Variants in CPLX2 observed in about 807,000 individuals in gnomAD.
The protein encoded by CPLX2 is complexin-2.
In CPLX2, 5 loss-of-function variants were observed where a neutral mutation model predicts 16.3. That is an observed-to-expected ratio of 0.31 (90% CI 0.16 to 0.64). The LOEUF is 0.64. Ranked by LOEUF, CPLX2 falls within the 30% of genes least tolerant of loss-of-function variation. The pLI is 0.79. For missense variants in CPLX2, 144 were observed against 181.4 expected (o/e 0.79, Z 1.18); for synonymous variants, 89 against 73.2 (o/e 1.22, Z -1.10).
intron 1 of CPLX2, chr5:175,878,090 A>C (rs1272848445): frequency 6.6e-6 from 1 of 152,348 alleles, no homozygotes; most frequent in African/African-American, 2.4e-5. Context: ...AAAAGTCAGG[A>C]TCTGTTTATC....
upstream of CPLX2, among the ~76,000 whole-genome samples, chr5:175,870,774 A>G (rs1270723983): frequency 1.3e-5 from 2 of 152,192 alleles, no homozygotes; most frequent in East Asian, 1.9e-4. Context: ...AGGAGTCCTT[A>G]TTCTTCACAG....
At chr5:175,839,516 C>T (rs996090251) in intron 2 of CPLX2, among the ~76,000 whole-genome samples, 1 of 152,186 alleles carries the variant, frequency 6.6e-6, no homozygotes, top group African/African-American at 2.4e-5. Context: ...AACTCCTGAC[C>T]TCAGGTGATC....
chr5:175,861,386 G>C (rs1262647467), intron 2 of CPLX2, among the ~76,000 whole-genome samples: 1 of 152,186 alleles, frequency 6.6e-6, no homozygotes, highest in Non-Finnish European at 1.5e-5. Context: ...TGTGGGAGAA[G>C]AGTTGAGGTA....
intron 2 of CPLX2, among the ~76,000 whole-genome samples, chr5:175,842,989 A>G (rs760658815): frequency 6.6e-6 from 1 of 152,198 alleles, no homozygotes; most frequent in Non-Finnish European, 1.5e-5. Context: ...ATCCTTGGGA[A>G]TCAGCAGCCA....
chr5:175,869,812 T>C (rs1033689643), upstream of CPLX2, among the ~76,000 whole-genome samples: 1 of 152,148 alleles, frequency 6.6e-6, no homozygotes, highest in Non-Finnish European at 1.5e-5. Flanking sequence ...AAGTGTGGTG[T>C]CCATAACTGA....
intron 2 of CPLX2, among the ~76,000 whole-genome samples, chr5:175,820,859 T>C (rs10476170): frequency 0.65 from 99,436 of 152,046 alleles, 33,521 homozygotes; most frequent in East Asian, 0.75. Flanking sequence ...AGGATGCCTT[T>C]GGATGGTGCT....
chr5:175,822,346 GATGT>G (rs1758527073), intron 2 of CPLX2, among the ~76,000 whole-genome samples: 1 of 152,126 alleles, frequency 6.6e-6, no homozygotes, highest in South Asian at 2.1e-4. Context: ...CGTGGACTTT[GATGT>G]CTAACAGACC....
At chr5:175,796,763 G>A (rs921543811) in exon 1 of CPLX2, 3 of 152,314 alleles carry the variant, frequency 2.0e-5, no homozygotes, top group Non-Finnish European at 4.4e-5. Flanking sequence ...GTCGGCCGCG[G>A]AGGAGCTGCA....
chr5:175,828,355 A>T (rs1256576969), intron 2 of CPLX2, among the ~76,000 whole-genome samples: 1 of 152,204 alleles, frequency 6.6e-6, no homozygotes, highest in East Asian at 1.9e-4. Context: ...ACTCGGGGGC[A>T]TGTGCTCTCT....
intron 2 of CPLX2, among the ~76,000 whole-genome samples, chr5:175,851,114 G>A (rs144845583): frequency 8.5e-5 from 13 of 152,164 alleles, no homozygotes; most frequent in East Asian, 3.9e-4. Flanking sequence ...GGCATCTTGC[G>A]TGTGAGGAGC....
At chr5:175,851,993 A>AG (rs1491243951) in intron 2 of CPLX2, among the ~76,000 whole-genome samples, 1 of 152,090 alleles carries the variant, frequency 6.6e-6, no homozygotes, top group Non-Finnish European at 1.5e-5. Flanking sequence ...TTTTCTACAC[A>AG]GGGGGCTGAA....
At chr5:175,859,529 C>T (rs1378528307) in intron 2 of CPLX2, among the ~76,000 whole-genome samples, 1 of 152,232 alleles carries the variant, frequency 6.6e-6, no homozygotes, top group Non-Finnish European at 1.5e-5. Flanking sequence ...GCAAATGTTC[C>T]AACTCCAGTT....
chr5:175,802,352 T>C lies in CPLX2; in HGVS notation c.-169+5568T>C, dbSNP rs372539270. The stretch of plus-strand genomic sequence containing the variant: ...CCCCTCAATCTGCAACAAGCATTGC[T>C]GCATAGGGTTCAGAAGTTAATCTTG... On this transcript the variant is annotated intron_variant, in intron 1 of 4. Coordinates refer to the CPLX2 transcript ENST00000359546. Among the ~76,000 whole-genome samples the C allele has an allele frequency of 2.0e-4, 31 of 152,298 alleles. No homozygotes were observed. In the East Asian group the frequency reaches 4.4e-3, roughly 22 times the overall value.
intron 2 of CPLX2, among the ~76,000 whole-genome samples, chr5:175,840,434 C>T (rs904429610): frequency 6.6e-6 from 1 of 152,182 alleles, no homozygotes; most frequent in African/African-American, 2.4e-5. Context: ...ATCTTAACTC[C>T]ACCACCAGGT....
intron 2 of CPLX2, among the ~76,000 whole-genome samples, chr5:175,814,798 C>G (rs1371417903): frequency 6.6e-6 from 1 of 152,158 alleles, no homozygotes; most frequent in East Asian, 1.9e-4. Context: ...TTGTCCAGGT[C>G]CCCTCTGGGA....
At chr5:175,813,710 C>G (rs1471233620) in intron 2 of CPLX2, among the ~76,000 whole-genome samples, 2 of 152,204 alleles carry the variant, frequency 1.3e-5, no homozygotes, top group African/African-American at 4.8e-5. Context: ...CATCGGGGAT[C>G]CATGAGACAA....
At chr5:175,798,003 G>C (rs1012375550) in intron 1 of CPLX2, among the ~76,000 whole-genome samples, 43 of 152,176 alleles carry the variant, frequency 2.8e-4, no homozygotes, top group Admixed American at 8.5e-4. Flanking sequence ...CAAGGCCTAG[G>C]GGGCAGGGGT....
At chr5:175,878,442 CG>C in intron 1 of CPLX2, 1 of 522,806 alleles carries the variant, frequency 1.9e-6, no homozygotes, top group Non-Finnish European at 3.4e-6. Context: ...GGGACCAAAC[CG>C]CTTTCAAAAA....
At chr5:175,828,491 A>T (rs1273140242) in intron 2 of CPLX2, among the ~76,000 whole-genome samples, 1 of 152,230 alleles carries the variant, frequency 6.6e-6, no homozygotes, top group East Asian at 1.9e-4. Context: ...TGCAAAACAA[A>T]TAGACTGCCG....
Sources: gnomAD v4.1 joint callset for allele counts (sites outside exome capture counted in the v4.1 genomes callset) on GRCh38, gnomAD v4.1.1 for gene constraint, MANE v1.5 for transcripts, NCBI Gene and HGNC (gene_info 2026-07-23, HGNC 2026-07-21) for gene names.